The following NR6A1 variants were observed in gnomAD, a reference collection of about 807,000 sequenced individuals.
NR6A1 encodes retinoic acid receptor-related testis-associated receptor.
In NR6A1, 7 loss-of-function variants were observed where a neutral mutation model predicts 59.1. That is an observed-to-expected ratio of 0.12 (90% CI 0.07 to 0.22). The LOEUF (loss-of-function observed/expected upper bound fraction) is 0.22, where lower values mean the gene tolerates loss of function less well. Among genes scored for constraint, NR6A1 ranks in the 10% least tolerant of loss-of-function variants. The pLI, the probability that NR6A1 is intolerant of heterozygous loss-of-function variation, is 1.00. For missense variants in NR6A1, 468 were observed against 611.6 expected, an observed-to-expected ratio of 0.77 and a Z score of 2.48; for synonymous variants, 243 against 236.1, an observed-to-expected ratio of 1.03 and a Z score of -0.27.
Position 124,711,187 on chromosome 9 carries a change from TAAAAAAAAAAAA to T in NR6A1, c.142+22109_142+22120del, listed in dbSNP as rs58609931. On this transcript the variant is annotated intron_variant, in intron 2 of 9. Coordinates refer to ENST00000487099, the MANE Select transcript of NR6A1 (RefSeq NM_033334.4). ...TTACATGCCTAAGTCAGCTAAGGTT[TAAAAAAAAAAAA>T]AAAAAAAAAAAAAAAAGCTGGCATC... is the stretch of plus-strand genomic sequence containing the variant. 2.3e-3 allele frequency among the ~76,000 whole-genome samples: 154 copies of T among 66,500 alleles called. 1 individual carries two copies. The highest frequency in any genetic ancestry group is 8.9e-3 in the African/African-American group (143 of 16,000). The allele number at this position is 66,500 out of a possible 152,430, so 43.6% of individuals were successfully genotyped here.
chr9:124,643,568 T>C (rs1023934474), intron 2 of NR6A1, among the ~76,000 whole-genome samples: 1 of 149,480 alleles, frequency 6.7e-6, no homozygotes, highest in Non-Finnish European at 1.5e-5. Context: ...CACCACTGCA[T>C]GCTAGCCTGG....
intron 2 of NR6A1, among the ~76,000 whole-genome samples, chr9:124,655,154 T>C (rs1313642712): frequency 2.0e-5 from 3 of 152,112 alleles, no homozygotes; most frequent in Non-Finnish European, 4.4e-5. Flanking sequence ...AGGGTATAGT[T>C]CCTAATGCCC....
intron 2 of NR6A1, among the ~76,000 whole-genome samples, chr9:124,652,950 A>C (rs1318877522): frequency 6.6e-6 from 1 of 152,240 alleles, no homozygotes; most frequent in African/African-American, 2.4e-5. Context: ...AAAAATGCTG[A>C]GGCAATGATC....
At position 124,621,823 on chromosome 9, in the gene NR6A1, C is replaced by T. The variant is rs534335966; in HGVS notation, c.143-67253G>A. Among the ~76,000 whole-genome samples, 92 of 152,168 alleles carry T rather than the reference C, an allele frequency of 6.0e-4. 1 individual carries two copies. The South Asian group carries it at 0.018, about 30-fold the overall frequency. On this transcript the variant is annotated intron_variant, in intron 2 of 9. Transcript: ENST00000487099. ...GATAAAACCTAAACCATAAGCCACA[C>T]AGAAATGTTTTTGAGGGGGCAGGGG...
intron 1 of NR6A1, among the ~76,000 whole-genome samples, chr9:124,759,346 T>C (rs1424706618): frequency 6.6e-6 from 1 of 152,216 alleles, no homozygotes; most frequent in Non-Finnish European, 1.5e-5. Context: ...ATCTAGTCAC[T>C]TTAAATTACA....
At chr9:124,623,873 A>T (rs1188170547) in intron 2 of NR6A1, among the ~76,000 whole-genome samples, 3 of 152,162 alleles carry the variant, frequency 2.0e-5, no homozygotes, top group Non-Finnish European at 4.4e-5. Context: ...AGACAACATA[A>T]GCCTCCTCCC....
intron 2 of NR6A1, among the ~76,000 whole-genome samples, chr9:124,588,935 AAAG>A (rs1366148505): frequency 1.0e-4 from 14 of 136,488 alleles, no homozygotes; most frequent in African/African-American, 4.5e-4. Flanking sequence ...AAAAAAAAAG[AAAG>A]AAAAAAAAAA....
chr9:124,658,686 T>C (rs1837332770), intron 2 of NR6A1: 1 of 152,174 alleles, frequency 6.6e-6, no homozygotes, highest in Non-Finnish European at 1.5e-5. Flanking sequence ...TTGACAAAGA[T>C]CCAACTGTAA....
At chr9:124,554,301 G>C in intron 3 of NR6A1, 27 bp downstream of exon 3, 1 of 1,613,838 alleles carries the variant, frequency 6.2e-7, no homozygotes. Flanking sequence ...TGAAGGATGG[G>C]CCATCAGAGC....
chr9:124,576,117 A>T (rs2131444637), intron 2 of NR6A1, among the ~76,000 whole-genome samples: 1 of 152,306 alleles, frequency 6.6e-6, no homozygotes, highest in South Asian at 2.1e-4. Context: ...CAGTAGCCTC[A>T]CTGCTCCCCA....
chr9:124,692,482 C>T (rs757530482), intron 2 of NR6A1: 3 of 532,240 alleles, frequency 5.6e-6, no homozygotes, highest in Admixed American at 3.9e-5. Context: ...CTCCAAGGAA[C>T]ATTCAACGCT....
In NR6A1 at chr9:124,525,710, T is replaced by C. The variant is rs544170806; in HGVS notation, c.1202-837A>G. ...CTCTCTCTCTCTCTCTATATATATA[T>C]ACACACACACACACCTTTTTTATAT... is the stretch of plus-strand genomic sequence containing the variant. On this transcript the variant is annotated intron_variant, in intron 8 of 9. Transcript: ENST00000487099. 8.1e-4 allele frequency among the ~76,000 whole-genome samples: 118 copies of C among 146,200 alleles called. 1 individual carries two copies. The highest frequency in any genetic ancestry group is 2.4e-3 in the African/African-American group (96 of 39,588).
chr9:124,714,061 T>G (rs1588820078), intron 2 of NR6A1, among the ~76,000 whole-genome samples: 1 of 152,174 alleles, frequency 6.6e-6, no homozygotes, highest in African/African-American at 2.4e-5. Context: ...TTATTCAGCC[T>G]CAAAAATGAA....
At chr9:124,530,087 T>C (rs1173937282) in intron 7 of NR6A1, among the ~76,000 whole-genome samples, 1 of 152,282 alleles carries the variant, frequency 6.6e-6, no homozygotes, top group African/African-American at 2.4e-5. Context: ...TGTGTGGCTA[T>C]CAGCCAGACC....
At chr9:124,697,003 G>A (rs868385980) in intron 2 of NR6A1, among the ~76,000 whole-genome samples, 6 of 152,172 alleles carry the variant, frequency 3.9e-5, no homozygotes, top group Non-Finnish European at 5.9e-5. Flanking sequence ...TTTCCATATC[G>A]ATATATCAGA....
intron 2 of NR6A1, among the ~76,000 whole-genome samples, chr9:124,578,052 T>C (rs1055048843): frequency 2.0e-5 from 3 of 152,216 alleles, no homozygotes; most frequent in African/African-American, 7.2e-5. Flanking sequence ...AGCACTTTTG[T>C]ACCTTGATTT....
At chr9:124,553,549 CTTTTTT>C (rs780925768) in intron 3 of NR6A1, among the ~76,000 whole-genome samples, 4 of 47,326 alleles carry the variant, frequency 8.5e-5, no homozygotes, top group Admixed American at 3.3e-4. Context: ...TTTAGCTTGA[CTTTTTT>C]TTTTTTTTTT....
chr9:124,608,553 T>C (rs1172060275), intron 2 of NR6A1, among the ~76,000 whole-genome samples: 3 of 152,182 alleles, frequency 2.0e-5, no homozygotes, highest in Non-Finnish European at 4.4e-5. Flanking sequence ...TTCATGGGCA[T>C]TTGGGTTGAT....
At chr9:124,769,302 A>G (rs1841039698) in intron 1 of NR6A1, among the ~76,000 whole-genome samples, 1 of 152,038 alleles carries the variant, frequency 6.6e-6, no homozygotes, top group East Asian at 1.9e-4. Context: ...TTTTAAGATC[A>G]GCAACATCAA....
Sources: allele counts gnomAD v4.1 joint callset (sites outside exome capture counted in the v4.1 genomes callset), GRCh38; gene constraint gnomAD v4.1.1; transcripts MANE v1.5; gene names NCBI Gene and HGNC (gene_info 2026-07-23, HGNC 2026-07-21).